The following ATRNL1 variants were observed in gnomAD, a reference collection of about 807,000 sequenced individuals.
The protein encoded by ATRNL1 is attractin-like protein 1.
In ATRNL1, 95 loss-of-function variants were observed where a neutral mutation model predicts 182.7. That is an observed-to-expected ratio of 0.52 (90% CI 0.44 to 0.62). ATRNL1 has a LOEUF of 0.62. ATRNL1 is among the 20% of genes least tolerant of loss of function. The probability of loss-of-function intolerance (pLI) is 0.00; values close to 1 mark genes in which losing one functional copy is unlikely to be tolerated. For synonymous variants in ATRNL1, 576 were observed against 568.3 expected (o/e 1.01, Z -0.19); for missense variants, 1,471 against 1,679.5 (o/e 0.88, Z 2.17).
At chr10:115,202,011 C>T (rs1382604253) in intron 8 of ATRNL1, among the ~76,000 whole-genome samples, 1 of 151,846 alleles carries the variant, frequency 6.6e-6, no homozygotes, top group Non-Finnish European at 1.5e-5. Flanking sequence ...TGGGAGTTCA[C>T]TCATGATTTG....
chr10:115,832,657 C>T (rs1445067872), intron 27 of ATRNL1, among the ~76,000 whole-genome samples: 3 of 152,176 alleles, frequency 2.0e-5, no homozygotes, highest in East Asian at 3.9e-4. Flanking sequence ...TTCCACTCTC[C>T]TTGCACAGGC....
At chr10:115,386,282 T>G (rs1261422231) in intron 19 of ATRNL1, among the ~76,000 whole-genome samples, 2 of 152,222 alleles carry the variant, frequency 1.3e-5, no homozygotes, top group African/African-American at 4.8e-5. Flanking sequence ...AATTTGTCTC[T>G]AAATATTTCA....
At chr10:115,132,763 C>A (rs1180187069) in intron 5 of ATRNL1, among the ~76,000 whole-genome samples, 4 of 152,202 alleles carry the variant, frequency 2.6e-5, no homozygotes, top group African/African-American at 9.7e-5. Context: ...CCCTCACCCA[C>A]TTTTTGATGG....
intron 26 of ATRNL1, among the ~76,000 whole-genome samples, chr10:115,683,769 C>T (rs1265760731): frequency 2.6e-5 from 4 of 151,734 alleles, no homozygotes; most frequent in Non-Finnish European, 4.4e-5. Context: ...ACAATGTAAA[C>T]AAATTCCTAA....
At chr10:115,674,645 A>G (rs1200361381) in intron 26 of ATRNL1, among the ~76,000 whole-genome samples, 9 of 152,170 alleles carry the variant, frequency 5.9e-5, no homozygotes, top group African/African-American at 2.2e-4. Flanking sequence ...TTGCCCATTT[A>G]TAGACTTTCT....
chr10:115,177,877 T>TG (rs1164487235), intron 8 of ATRNL1, among the ~76,000 whole-genome samples: 2 of 151,030 alleles, frequency 1.3e-5, no homozygotes, highest in Non-Finnish European at 2.9e-5. Flanking sequence ...AGCTGTGTTT[T>TG]TTTTTTTTTT....
At chr10:115,283,424 GAACA>G (rs1852463788) in intron 14 of ATRNL1, among the ~76,000 whole-genome samples, 2 of 151,860 alleles carry the variant, frequency 1.3e-5, no homozygotes, top group East Asian at 1.9e-4. Flanking sequence ...AAAAACAAAC[GAACA>G]AACAAACACA....
At chr10:115,540,500 A>T (rs2133783768) in intron 25 of ATRNL1, among the ~76,000 whole-genome samples, 1 of 152,168 alleles carries the variant, frequency 6.6e-6, no homozygotes, top group Admixed American at 6.5e-5. Flanking sequence ...GGTGGCTCAC[A>T]CCTGTAATCC....
intron 8 of ATRNL1, among the ~76,000 whole-genome samples, chr10:115,203,219 A>G (rs1394496572): frequency 2.0e-5 from 3 of 152,168 alleles, no homozygotes; most frequent in Non-Finnish European, 4.4e-5. Context: ...TACAAGTATA[A>G]AAGTTTTCAA....
intron 27 of ATRNL1, among the ~76,000 whole-genome samples, chr10:115,812,565 C>A (rs1191286291): frequency 1.3e-5 from 2 of 152,152 alleles, no homozygotes; most frequent in African/African-American, 4.8e-5. Flanking sequence ...CAGTCTCTGC[C>A]TCCTGGGTTC....
intron 19 of ATRNL1, among the ~76,000 whole-genome samples, chr10:115,361,387 C>T (rs935976232): frequency 6.6e-6 from 1 of 151,872 alleles, no homozygotes; most frequent in Non-Finnish European, 1.5e-5. Context: ...TTGTACTTTT[C>T]CAGCCATAAC....
intron 28 of ATRNL1, among the ~76,000 whole-genome samples, chr10:115,878,761 A>T (rs1025469380): frequency 1.6e-4 from 24 of 152,080 alleles, no homozygotes; most frequent in African/African-American, 5.8e-4. Flanking sequence ...ACCATGTAAT[A>T]CTAGTGCCCC....
intron 28 of ATRNL1, among the ~76,000 whole-genome samples, chr10:115,938,402 T>G (rs1490226358): frequency 3.3e-5 from 5 of 152,260 alleles, no homozygotes; most frequent in Non-Finnish European, 7.3e-5. Context: ...CATTGCTGTC[T>G]CTTCAGGTCA....
intron 26 of ATRNL1, among the ~76,000 whole-genome samples, chr10:115,622,843 T>C (rs1198342923): frequency 4.0e-5 from 6 of 151,668 alleles, no homozygotes; most frequent in African/African-American, 1.5e-4. Flanking sequence ...AGGAGAATGG[T>C]ATGAACCCGG....
chr10:115,649,252 T>G (rs1479482355), intron 26 of ATRNL1, among the ~76,000 whole-genome samples: 1 of 152,200 alleles, frequency 6.6e-6, no homozygotes, highest in African/African-American at 2.4e-5. Flanking sequence ...CAGGCCTAGT[T>G]AAATTTAACA....
chr10:115,876,234 C>A (rs1951696791), intron 28 of ATRNL1, among the ~76,000 whole-genome samples: 1 of 151,016 alleles, frequency 6.6e-6, no homozygotes, highest in South Asian at 2.1e-4. Context: ...CCTGGGAAGA[C>A]ACTTACCCTT....
chr10:115,944,715 A>G lies in ATRNL1; in HGVS notation c.4076A>G (p.Lys1359Arg). 1 of 1,613,778 alleles carries G rather than the reference A, an allele frequency of 6.2e-7. No individual in the cohort carries two copies. The highest frequency in any genetic ancestry group is 8.5e-7 in the Non-Finnish European group (1 of 1,179,742). ...TCACAACAGAAAGCTTCAGATAGTA[A>G]AGATAAGACTTCTGGAGTCCGGAAT... Reference protein sequence around the residue: ...DISQQKASDSKDKTSGVRNRK... With the variant: ...DISQQKASDSRDKTSGVRNRK... The change falls in exon 29 of 29, where the codon AAA (lysine) becomes AGA (arginine). Residue 1359 changes from lysine (K) to arginine (R), a missense_variant. By Grantham distance (26) the Lys-to-Arg change is conservative. Transcript: ENST00000355044.
intron 25 of ATRNL1, among the ~76,000 whole-genome samples, chr10:115,531,700 G>T (rs1411408306): frequency 6.6e-6 from 1 of 151,122 alleles, no homozygotes. Context: ...TGAAGTCCTT[G>T]CCCATGCCTA....
At chr10:115,569,060 C>T (rs972487893) in intron 26 of ATRNL1, among the ~76,000 whole-genome samples, 2 of 151,618 alleles carry the variant, frequency 1.3e-5, no homozygotes, top group Admixed American at 1.3e-4. Flanking sequence ...AGGGTGACAG[C>T]ATTGATTATA....
Sources: allele counts gnomAD v4.1 joint callset (sites outside exome capture counted in the v4.1 genomes callset), GRCh38; gene constraint gnomAD v4.1.1; transcripts MANE v1.5; gene names NCBI Gene and HGNC (gene_info 2026-07-23, HGNC 2026-07-21).